NFASC: variants seen among roughly 807,000 people sequenced by gnomAD.
The protein encoded by NFASC is neurofascin homolog.
A neutral mutation model predicts 147.5 loss-of-function variants in NFASC; 43 were observed. The observed-to-expected ratio is 0.29, with a 90% confidence interval of 0.23 to 0.38. The LOEUF (loss-of-function observed/expected upper bound fraction) is 0.38, where lower values mean the gene tolerates loss of function less well. Ranked by LOEUF, NFASC falls within the 10% of genes least tolerant of loss-of-function variation. The pLI, the probability that NFASC is intolerant of heterozygous loss-of-function variation, is 1.00. For missense variants in NFASC, 1,320 were observed against 1,689.0 expected, an observed-to-expected ratio of 0.78 and a Z score of 3.83; for synonymous variants, 622 against 665.5, an observed-to-expected ratio of 0.93 and a Z score of 1.01.
At chr1:204,830,701 C>T (rs945157195) in intron 1 of NFASC, among the ~76,000 whole-genome samples, 1 of 151,632 alleles carries the variant, frequency 6.6e-6, no homozygotes, top group African/African-American at 2.4e-5. Context: ...AGGAAAGAGA[C>T]TCACTCCCAC....
chr1:204,961,176 G>A (rs561789032), intron 8 of NFASC, among the ~76,000 whole-genome samples: 15 of 152,278 alleles, frequency 9.9e-5, no homozygotes, highest in Non-Finnish European at 1.5e-4. Context: ...GGACGCTGGC[G>A]TGATGATGTG....
At chr1:204,978,579 A>G (rs1001434534) in intron 17 of NFASC, among the ~76,000 whole-genome samples, 4 of 152,226 alleles carry the variant, frequency 2.6e-5, no homozygotes, top group African/African-American at 9.6e-5. Flanking sequence ...AATGGGACAG[A>G]ATCCCACACT....
rs1166932047 is a variant in NFASC at position 204,978,997 on chromosome 1, C to G, written c.1906C>G (p.Leu636Val). 5 of 1,561,398 alleles carry G rather than the reference C, an allele frequency of 3.2e-6. No homozygotes were observed. In the South Asian group the frequency reaches 5.9e-5, roughly 18 times the overall value. Residue 636 changes from leucine to valine, a missense_variant, in exon 18 of 30, where the codon CTG (leucine) becomes GTG (valine). Transcript: ENST00000339876. ...GRPDRPRDLE[L>V]TDLAERSVRL... is the part of the protein sequence containing the mutation. Reference sequence around the variant, plus strand: ...GCCAGACCGGCCCCGGGACCTGGAGCTGACCGACCTGGCCGAGAGGAGCGT... The same window carrying G: ...GCCAGACCGGCCCCGGGACCTGGAGGTGACCGACCTGGCCGAGAGGAGCGT...
chr1:204,951,659 C>T (rs1436941668), intron 4 of NFASC, among the ~76,000 whole-genome samples: 1 of 151,464 alleles, frequency 6.6e-6, no homozygotes, highest in Non-Finnish European at 1.5e-5. Flanking sequence ...TTAGTAGAGA[C>T]GGGGTTTCAC....
chr1:204,896,892 C>T (rs556135585), intron 1 of NFASC, among the ~76,000 whole-genome samples: 1 of 152,280 alleles, frequency 6.6e-6, no homozygotes, highest in East Asian at 1.9e-4. Flanking sequence ...AGGCACTGCG[C>T]TAGGGGCTGG....
intron 22 of NFASC, among the ~76,000 whole-genome samples, chr1:204,988,387 ACT>A (rs1002528685): frequency 4.0e-4 from 61 of 152,298 alleles, no homozygotes; most frequent in African/African-American, 1.4e-3. Context: ...CAGCCACATA[ACT>A]CTGCAGTGAG....
chr1:204,957,565 C>A, intron 7 of NFASC, 91 bp from the exon 8 acceptor site: 1 of 1,237,896 alleles, frequency 8.1e-7, no homozygotes, highest in Non-Finnish European at 1.2e-6. Context: ...CGCCACCTGA[C>A]CCTCTGTAAA....
At chr1:204,863,606 T>C (rs1056970878) in intron 1 of NFASC, among the ~76,000 whole-genome samples, 3 of 151,984 alleles carry the variant, frequency 2.0e-5, no homozygotes, top group African/African-American at 7.2e-5. Flanking sequence ...TCCTAGCACT[T>C]TGGAAGGCCG....
At chr1:204,977,838 G>A (rs2095437899) in intron 17 of NFASC, 113 bp downstream of exon 17, 2 of 930,842 alleles carry the variant, frequency 2.1e-6, no homozygotes, top group Non-Finnish European at 3.3e-6. Context: ...AGGTTTGTGG[G>A]CAGCACTCCT....
chr1:204,906,171 C>T (rs2085805818), intron 1 of NFASC, among the ~76,000 whole-genome samples: 2 of 152,136 alleles, frequency 1.3e-5, no homozygotes, highest in Admixed American at 1.3e-4. Context: ...TTTAACTTCT[C>T]ATATATCTTA....
At chr1:204,982,082 G>A (rs866035131) in intron 21 of NFASC, 62 bp downstream of exon 21, 35 of 1,126,814 alleles carry the variant, frequency 3.1e-5, no homozygotes, top group South Asian at 2.1e-4. Flanking sequence ...ACGAGGCCAC[G>A]CTCACAGGCC....
At chr1:204,941,789 C>A (rs960742020) in intron 2 of NFASC, among the ~76,000 whole-genome samples, 2 of 152,172 alleles carry the variant, frequency 1.3e-5, no homozygotes, top group African/African-American at 4.8e-5. Context: ...ACTCTCTTAA[C>A]CCTCTTTCAG....
At chr1:204,842,172 G>A (rs1675546062) in intron 1 of NFASC, among the ~76,000 whole-genome samples, 1 of 152,160 alleles carries the variant, frequency 6.6e-6, no homozygotes, top group Non-Finnish European at 1.5e-5. Context: ...TATGCAATGG[G>A]CTTCCAATAT....
chr1:204,997,686 A>G (rs927865492), intron 25 of NFASC: 13 of 529,724 alleles, frequency 2.5e-5, no homozygotes, highest in Non-Finnish European at 4.5e-5. Flanking sequence ...CTGTTCCTTA[A>G]CAGACGGCCA....
intron 21 of NFASC, chr1:204,984,274 GATA>G: frequency 1.6e-6 from 1 of 632,636 alleles, no homozygotes; most frequent in South Asian, 2.0e-5. Flanking sequence ...GACTCAAGAA[GATA>G]ATGTCTAGGG....
At chr1:204,915,623 A>C (rs953475757) in intron 1 of NFASC, among the ~76,000 whole-genome samples, 3 of 152,238 alleles carry the variant, frequency 2.0e-5, no homozygotes, top group African/African-American at 7.2e-5. Flanking sequence ...TTAACTATTC[A>C]AAAAGTAAGT....
intron 1 of NFASC, among the ~76,000 whole-genome samples, chr1:204,848,271 C>G (rs2075354902): frequency 6.6e-6 from 1 of 152,208 alleles, no homozygotes; most frequent in Non-Finnish European, 1.5e-5. Flanking sequence ...TGCTCTGTCA[C>G]CCAGGCTGGA....
intron 20 of NFASC, among the ~76,000 whole-genome samples, chr1:204,981,518 C>T (rs1424167306): frequency 6.6e-6 from 1 of 152,138 alleles, no homozygotes; most frequent in Non-Finnish European, 1.5e-5. Context: ...GAAAATAAAA[C>T]CTTTGCACCT....
intron 26 of NFASC, among the ~76,000 whole-genome samples, chr1:205,001,675 T>C (rs1304263356): frequency 6.6e-6 from 1 of 152,170 alleles, no homozygotes; most frequent in Non-Finnish European, 1.5e-5. Context: ...TTCACAGACT[T>C]GGACTATAAC....
Sources: gnomAD v4.1 joint callset for allele counts (sites outside exome capture counted in the v4.1 genomes callset) on GRCh38, gnomAD v4.1.1 for gene constraint, MANE v1.5 for transcripts, NCBI Gene and HGNC (gene_info 2026-07-23, HGNC 2026-07-21) for gene names.